Variants in GAPDH observed in about 807,000 individuals in gnomAD.
GAPDH encodes glyceraldehyde-3-phosphate dehydrogenase.
In GAPDH, 13 loss-of-function variants were observed where a neutral mutation model predicts 31.2. The observed-to-expected ratio is 0.42, with a 90% CI of 0.27 to 0.66. The LOEUF (loss-of-function observed/expected upper bound fraction) is 0.66, where lower values mean the gene tolerates loss of function less well. Among genes scored for constraint, GAPDH ranks in the 30% least tolerant of loss-of-function variants. The probability of loss-of-function intolerance (pLI) is 0.26; values close to 1 mark genes in which losing one functional copy is unlikely to be tolerated. For synonymous variants in GAPDH, 211 were observed against 166.9 expected (o/e 1.26, Z -2.04); for missense variants, 300 against 443.7 (o/e 0.68, Z 2.91).
intron 4 of GAPDH, 61 bp downstream of exon 4, chr12:6,536,851 C>T (rs746568927): frequency 1.3e-5 from 21 of 1,584,410 alleles, no homozygotes; most frequent in South Asian, 5.5e-5. Context: ...TGGTGTGGCT[C>T]CCTTGGGTAT....
intron 2 of GAPDH, 110 bp downstream of exon 2, chr12:6,534,971 TC>T (rs1358447926): frequency 4.7e-5 from 59 of 1,247,854 alleles, no homozygotes; most frequent in Non-Finnish European, 6.2e-5. Flanking sequence ...GGGTAGCTGT[TC>T]CCCGCAAGGA....
chr12:6,535,607 C>T (rs1019594610), intron 2 of GAPDH: 1 of 278,674 alleles, frequency 3.6e-6, no homozygotes, highest in Non-Finnish European at 5.4e-6. Flanking sequence ...GCAAAATGGC[C>T]CCTCTGGTGG....
rs965167354 is a variant in GAPDH at position 6,534,525 on chromosome 12, C to T, written c.-68C>T. The T allele has an allele frequency of 7.5e-5, 35 of 465,438 alleles. No homozygotes were observed. Among genetic ancestry groups the T allele is most frequent in the Non-Finnish European group, 1.2e-4 (32 of 256,162 alleles). 28.8% of individuals were successfully genotyped at this position (465,438 alleles called of 1,614,324 possible). The stretch of plus-strand genomic sequence containing the variant: ...CCGCAGCCTCCCGCTTCGCTCTCTG[C>T]TCCTCCTGTTCGACAGTCAGCCGCA... On this transcript the variant is annotated 5_prime_UTR_variant, in exon 1 of 9. Transcript: ENST00000229239.
chr12:6,538,294 A>C lies in GAPDH; in HGVS notation c.*124A>C. The C allele has an allele frequency of 1.3e-6, 1 of 793,434 alleles. No individual in the cohort carries two copies. Among genetic ancestry groups the C allele is most frequent in the Non-Finnish European group, 2.1e-6 (1 of 476,130 alleles). 49.1% of individuals were successfully genotyped at this position (793,434 alleles called of 1,614,324 possible). Reference sequence around the variant, plus strand: ...TCTCCCCTCCTCACAGTTGCCATGTAGACCCCTTGAAGAGGGGAGGGGCCT... The same window carrying C: ...TCTCCCCTCCTCACAGTTGCCATGTCGACCCCTTGAAGAGGGGAGGGGCCT... On this transcript the variant is annotated 3_prime_UTR_variant, in exon 9 of 9. Coordinates refer to ENST00000229239, the MANE Select transcript of GAPDH (RefSeq NM_002046.7).
In GAPDH at chr12:6,536,671, C is replaced by G. The variant is rs775078122; in HGVS notation, c.130-13C>G. 62 of 1,608,586 alleles carry G rather than the reference C, an allele frequency of 3.9e-5. No homozygotes were observed. The highest frequency in any genetic ancestry group is 5.1e-5 in the Non-Finnish European group (60 of 1,175,258). ...GATGGGCAGCCCCTTCATACCCTCACGTATTCCCCCAGGTTTACATGTTCC... is the reference window on the plus strand; with the variant it reads ...GATGGGCAGCCCCTTCATACCCTCAGGTATTCCCCCAGGTTTACATGTTCC... On this transcript the variant is annotated splice_polypyrimidine_tract_variant and intron_variant, in intron 3 of 8. Transcript: ENST00000229239.
At position 6,536,965 on chromosome 12, in the gene GAPDH, C is replaced by T. The variant is rs11549324; in HGVS notation, c.282C>T (p.Tyr94=). 39 of 1,613,460 alleles carry T rather than the reference C, an allele frequency of 2.4e-5. No individual in the cohort carries two copies. The highest frequency in any genetic ancestry group is 1.9e-4 in the South Asian group (17 of 91,056). The change falls in exon 5 of 9, where the codon TAC becomes TAT. Residue 94 remains tyrosine, a synonymous_variant. Coordinates refer to ENST00000229239, the MANE Select transcript of GAPDH (RefSeq NM_002046.7). ...AGTGGGGCGATGCTGGCGCTGAGTA[C>T]GTCGTGGAGTCCACTGGCGTCTTCA... is the stretch of plus-strand genomic sequence containing the variant. ...KIKWGDAGAE[Y]VVESTGVFTT...
chr12:6,537,538 AG>A lies in GAPDH; in HGVS notation c.526-42del. ...CCTTTCAAGGTGGGGAGGGAGGTAG[AG>A]GGGTGATGTGGGGAGTACGCTGCAG... On this transcript the variant is annotated intron_variant, in intron 7 of 8. Transcript: ENST00000229239. This position sits in a 1 kb window ranked among gnomAD's most constrained non-coding sequence, Gnocchi z 4.9. 2 of 1,593,148 alleles carry A rather than the reference AG, an allele frequency of 1.3e-6. No individual in the cohort carries two copies. The highest frequency in any genetic ancestry group is 1.7e-6 in the Non-Finnish European group (2 of 1,168,734).
In GAPDH at chr12:6,537,136, C is replaced by T. The variant is rs751972977; in HGVS notation, c.363C>T (p.Ile121=). The T allele has an allele frequency of 1.2e-6, 2 of 1,613,932 alleles. No homozygotes were observed. Among genetic ancestry groups the T allele is most frequent in the Non-Finnish European group, 1.7e-6 (2 of 1,179,974 alleles). Residue 121 remains isoleucine, a synonymous_variant, in exon 6 of 9, where the codon ATC becomes ATT. Transcript: ENST00000229239. The surrounding 1 kb of genome is among the most constrained non-coding windows in gnomAD (Gnocchi z 4.9). ...AGGGGGGAGCCAAAAGGGTCATCAT[C>T]TCTGCCCCCTCTGCTGATGCCCCCA... is the stretch of plus-strand genomic sequence containing the variant. ...HLQGGAKRVI[I]SAPSADAPMF...
chr12:6,535,229 G>A, intron 2 of GAPDH: 1 of 1,087,962 alleles, frequency 9.2e-7, no homozygotes, highest in Non-Finnish European at 1.1e-6. Flanking sequence ...GGCACCGCAG[G>A]CCCCGGGATG....
intron 2 of GAPDH, chr12:6,535,364 C>T (rs887650571): frequency 8.1e-6 from 8 of 990,592 alleles, no homozygotes; most frequent in African/African-American, 3.5e-5. Flanking sequence ...TAACCCTGCG[C>T]TCCTGCCTCG....
At position 6,538,225 on chromosome 12, in the gene GAPDH, C is replaced by T. The variant is rs1946534370; in HGVS notation, c.*55C>T. 7.0e-7 allele frequency: 1 copy of T among 1,426,628 alleles called. No individual in the cohort carries two copies. The highest frequency in any genetic ancestry group is 1.4e-5 in the African/African-American group (1 of 71,332). The allele number at this position is 1,426,628 out of a possible 1,614,324, so 88.4% of individuals were successfully genotyped here. A position where few individuals can be genotyped will look rare whatever the true frequency, so the allele number is the denominator to read the frequency against. ...CACAAGAGGAAGAGAGAGACCCTCA[C>T]TGCTGGGGAGTCCCTGCCACACTCA... On this transcript the variant is annotated 3_prime_UTR_variant, in exon 9 of 9. Coordinates refer to ENST00000229239, the MANE Select transcript of GAPDH (RefSeq NM_002046.7).
At position 6,538,097 on chromosome 12, in the gene GAPDH, C is replaced by G. The variant is rs747488081; in HGVS notation, c.939-4C>G. The G allele has an allele frequency of 3.2e-5, 51 of 1,600,114 alleles. No homozygotes were observed. The highest frequency in any genetic ancestry group is 1.7e-4 in the Middle Eastern group (1 of 6,022). The stretch of plus-strand genomic sequence containing the variant: ...GGGCCCTGACAACTCTTTTCATCTT[C>G]TAGGTATGACAACGAATTTGGCTAC... On this transcript the variant is annotated splice_polypyrimidine_tract_variant and splice_region_variant and intron_variant, in intron 8 of 8. Transcript: ENST00000229239.
At chr12:6,535,552 C>T (rs1238655872) in intron 2 of GAPDH, 5 of 669,198 alleles carry the variant, frequency 7.5e-6, no homozygotes, top group Non-Finnish European at 9.2e-6. Context: ...GGTGCCAAGC[C>T]GGGAGAAGCT....
chr12:6,537,757 C>T lies in GAPDH; in HGVS notation c.699C>T (p.Phe233=). 2 of 1,611,776 alleles carry T rather than the reference C, an allele frequency of 1.2e-6. No individual in the cohort carries two copies. Among genetic ancestry groups the T allele is most frequent in the Non-Finnish European group, 1.7e-6 (2 of 1,179,856 alleles). ...ELNGKLTGMA[F]RVPTANVSVV... ...ACGGGAAGCTCACTGGCATGGCCTT[C>T]CGTGTCCCCACTGCCAACGTGTCAG... Residue 233 remains phenylalanine, a synonymous_variant, in exon 8 of 9, where the codon TTC becomes TTT. Coordinates refer to ENST00000229239, the MANE Select transcript of GAPDH (RefSeq NM_002046.7). The surrounding 1 kb of genome is among the most constrained non-coding windows in gnomAD (Gnocchi z 4.9).
rs559451450 is a variant in GAPDH, at chr12:6,534,795, T to C, written c.-23-15T>C. On this transcript the variant is annotated splice_polypyrimidine_tract_variant and intron_variant, in intron 1 of 8. Transcript: ENST00000229239. Reference sequence around the variant, plus strand: ...CGGGGCCACTAGGCGCTCACTGTTCTCTCCCTCCGCGCAGCCGAGCCACAT... The same window carrying C: ...CGGGGCCACTAGGCGCTCACTGTTCCCTCCCTCCGCGCAGCCGAGCCACAT... 6.2e-6 allele frequency: 10 copies of C among 1,609,978 alleles called. No individual in the cohort carries two copies. Among genetic ancestry groups the C allele is most frequent in the East Asian group, 4.5e-5 (2 of 44,546 alleles).
intron 2 of GAPDH, 35 bp downstream of exon 2, chr12:6,534,896 C>T (rs1200936931): frequency 6.2e-7 from 1 of 1,607,270 alleles, no homozygotes; most frequent in Admixed American, 1.7e-5. Context: ...CCCTGGGCTG[C>T]GACCGCCCCC....
chr12:6,536,033 G>C (rs1404094765), intron 2 of GAPDH, among the ~76,000 whole-genome samples: 1 of 152,228 alleles, frequency 6.6e-6, no homozygotes, highest in African/African-American at 2.4e-5. Flanking sequence ...TTGTAGGAGG[G>C]ACTTAGAGAA....
At position 6,534,878 on chromosome 12, in the gene GAPDH, C is replaced by G. The variant is rs775837057; in HGVS notation, c.29+17C>G. 6.2e-7 allele frequency: 1 copy of G among 1,612,058 alleles called. No homozygotes were observed. Among genetic ancestry groups the G allele is most frequent in the East Asian group, 2.2e-5 (1 of 44,740 alleles). On this transcript the variant is annotated intron_variant, in intron 2 of 8. Transcript: ENST00000229239. Reference sequence around the variant, plus strand: ...AGTCAACGGGTGAGTTCGCGGGTGGCTGGGGGGCCCTGGGCTGCGACCGCC... The same window carrying G: ...AGTCAACGGGTGAGTTCGCGGGTGGGTGGGGGGCCCTGGGCTGCGACCGCC...
In GAPDH at chr12:6,534,538, ACAGT is replaced by A. The variant is rs1453675033; in HGVS notation, c.-51_-48del. On this transcript the variant is annotated 5_prime_UTR_variant, in exon 1 of 9. Transcript: ENST00000229239. ...CTTCGCTCTCTGCTCCTCCTGTTCG[ACAGT>A]CAGCCGCATCTTCTTTTGCGTCGCC... 27 of 493,090 alleles carry A rather than the reference ACAGT, an allele frequency of 5.5e-5. No individual in the cohort carries two copies. In the South Asian group the frequency reaches 5.6e-4, roughly 10 times the overall value. The allele number at this position is 493,090 out of a possible 1,614,324, so 30.5% of individuals were successfully genotyped here. A position where few individuals can be genotyped will look rare whatever the true frequency, so the allele number is the denominator to read the frequency against.
Sources: gnomAD v4.1 joint callset for allele counts (sites outside exome capture counted in the v4.1 genomes callset) on GRCh38, gnomAD v4.1.1 for gene constraint, Gnocchi (gnomAD v3.1) non-coding constraint, MANE v1.5 for transcripts, NCBI Gene and HGNC (gene_info 2026-07-23, HGNC 2026-07-21) for gene names.